Variants in SPINT4 observed in about 807,000 individuals in gnomAD.
SPINT4 encodes serine peptidase inhibitor, Kunitz type 4.
SPINT4 carries 7 observed loss-of-function variants against 9.4 expected under a neutral mutation model. The observed-to-expected ratio is 0.74, with a 90% confidence interval of 0.42 to 1.40. The LOEUF is 1.40. Among genes scored for constraint, SPINT4 ranks in the 40% most tolerant of loss-of-function variants. The probability of loss-of-function intolerance (pLI) is 0.01; values close to 1 mark genes in which losing one functional copy is unlikely to be tolerated. For missense variants in SPINT4, 105 were observed against 114.4 expected, an observed-to-expected ratio of 0.92 and a Z score of 0.37; for synonymous variants, 36 against 39.9, an observed-to-expected ratio of 0.90 and a Z score of 0.37.
intron 1 of SPINT4, among the ~76,000 whole-genome samples, chr20:45,723,299 G>A (rs1984845765): frequency 6.6e-6 from 1 of 152,092 alleles, no homozygotes; most frequent in African/African-American, 2.4e-5. Flanking sequence ...AAAACAGAGG[G>A]TTTGCCTCTG....
rs1298053714 is a variant in SPINT4, at chr20:45,722,537, G to A, written c.115+55G>A. On this transcript the variant is annotated intron_variant, in intron 1 of 2. Coordinates refer to ENST00000279058, the MANE Select transcript of SPINT4 (RefSeq NM_178455.3). ...AAGGTCAATTATGAATGAGAGAGAA[G>A]GTATTGGGAGAAAAGTGTGTTATCT... 1.2e-4 allele frequency: 152 copies of A among 1,313,038 alleles called. No homozygotes were observed. In the South Asian group the frequency reaches 1.2e-3, roughly 11 times the overall value. The allele number at this position is 1,313,038 out of a possible 1,614,324, so 81.3% of individuals were successfully genotyped here.
At chr20:45,725,015 T>TACACAC (rs1188470014) in intron 2 of SPINT4, among the ~76,000 whole-genome samples, 1 of 113,522 alleles carries the variant, frequency 8.8e-6, no homozygotes, top group Admixed American at 9.5e-5. Context: ...TATATATATA[T>TACACAC]ATATATATAT....
chr20:45,725,526 C>A, intron 2 of SPINT4, 103 bp from the exon 3 acceptor site: 1 of 1,205,662 alleles, frequency 8.3e-7, no homozygotes, highest in Non-Finnish European at 1.2e-6. Context: ...TAGAAGGCAT[C>A]CTCTGTGCTT....
At position 45,723,906 on chromosome 20, in the gene SPINT4, G is replaced by T. The variant is rs749305801; in HGVS notation, c.142G>T (p.Gly48Ter). Residue 48 changes from glycine to a stop codon, truncating the protein, a stop_gained, in exon 2 of 3, where the codon GGA becomes TGA. Coordinates refer to ENST00000279058, the MANE Select transcript of SPINT4 (RefSeq NM_178455.3). LOFTEE classifies it high-confidence loss of function. ...TCCCTGCAAATTGGACATGAATTTTGGAAGCTGCTATGAAGTTCACTTTAG... is the reference window on the plus strand; with the variant it reads ...TCCCTGCAAATTGGACATGAATTTTTGAAGCTGCTATGAAGTTCACTTTAG... ...KDPCKLDMNF[G>*]SCYEVHFRYF... The T allele has an allele frequency of 6.3e-7, 1 of 1,591,366 alleles. No homozygotes were observed. Among genetic ancestry groups the T allele is most frequent in the South Asian group, 1.2e-5 (1 of 86,432 alleles).
chr20:45,722,511 A>C, intron 1 of SPINT4, 29 bp downstream of exon 1: 1 of 1,490,142 alleles, frequency 6.7e-7, no homozygotes, highest in Non-Finnish European at 9.4e-7. Context: ...AAATAAATCC[A>C]AAGGTCAATT....
In SPINT4 at chr20:45,724,001, C is replaced by G. The variant is rs747905980; in HGVS notation, c.237C>G (p.Asn79Lys). The G allele has an allele frequency of 6.2e-7, 1 of 1,610,496 alleles. No homozygotes were observed. Among genetic ancestry groups the G allele is most frequent in the Non-Finnish European group, 8.5e-7 (1 of 1,179,060 alleles). The change falls in exon 2 of 3, where the codon AAC (asparagine) becomes AAG (lysine). Residue 79 changes from asparagine to lysine, a missense_variant. Asn to Lys is a moderately conservative substitution (Grantham distance 94). Coordinates refer to ENST00000279058, the MANE Select transcript of SPINT4 (RefSeq NM_178455.3). ...FVFSGCNGNL[N>K]NFKLKIEREV... ...TCTCCGGCTGTAATGGCAACCTTAA[C>G]AACTTCAAGCTTAAAATAGAACGTG...
rs1984858405 is a variant in SPINT4 at position 45,723,799 on chromosome 20, AT to A, written c.116-76del. The A allele has an allele frequency of 3.3e-6, 4 of 1,216,170 alleles. No homozygotes were observed. The Admixed American group carries it at 7.9e-5, about 24-fold the overall frequency. 75.3% of individuals were successfully genotyped at this position (1,216,170 alleles called of 1,614,324 possible). A position where few individuals can be genotyped will look rare whatever the true frequency, so the allele number is the denominator to read the frequency against. On this transcript the variant is annotated intron_variant, in intron 1 of 2. Transcript: ENST00000279058. ...GAATAGTTCCAGGCTAAACGTAGGA[AT>A]TTTTAAGGGCCCATAAAGACAAGTT...
rs775091893 is a variant in SPINT4, at chr20:45,725,800, T to G, written c.*165T>G. 3.2e-5 allele frequency: 26 copies of G among 824,422 alleles called. No individual in the cohort carries two copies. Among genetic ancestry groups the G allele is most frequent in the Admixed American group, 8.2e-5 (4 of 48,868 alleles). The allele number at this position is 824,422 out of a possible 1,614,324, so 51.1% of individuals were successfully genotyped here. A position where few individuals can be genotyped will look rare whatever the true frequency, so the allele number is the denominator to read the frequency against. ...TTGTCTTTCCTGGAAATTAACTGTA[T>G]GATCATTAGAATGAAAGAGTCTTTC... On this transcript the variant is annotated 3_prime_UTR_variant, in exon 3 of 3. Coordinates refer to ENST00000279058, the MANE Select transcript of SPINT4 (RefSeq NM_178455.3).
At chr20:45,725,576 C>T in intron 2 of SPINT4, 53 bp from the exon 3 acceptor site, 2 of 1,608,812 alleles carry the variant, frequency 1.2e-6, no homozygotes, top group African/African-American at 1.3e-5. Context: ...TCCAGGGAGA[C>T]CTTCAAAAAC....
rs1316386141 is a variant in SPINT4 at position 45,722,602 on chromosome 20, T to C, written c.115+120T>C. The stretch of plus-strand genomic sequence containing the variant: ...GGTCTTCCTTTCATGACAATACCCA[T>C]AGACACTTAGTCCCTTGACTCAGGG... On this transcript the variant is annotated intron_variant, in intron 1 of 2. Coordinates refer to ENST00000279058, the MANE Select transcript of SPINT4 (RefSeq NM_178455.3). 2.8e-5 allele frequency: 20 copies of C among 716,460 alleles called. 1 individual carries two copies. The highest frequency in any genetic ancestry group is 1.9e-4 in the East Asian group (7 of 37,084). The allele number at this position is 716,460 out of a possible 1,614,324, so 44.4% of individuals were successfully genotyped here.
rs748217524 is a variant in SPINT4 at position 45,725,722 on chromosome 20, A to G, written c.*87A>G. The G allele has an allele frequency of 6.1e-5, 94 of 1,545,896 alleles. No individual in the cohort carries two copies. Among genetic ancestry groups the G allele is most frequent in the Admixed American group, 1.2e-4 (7 of 59,626 alleles). The stretch of plus-strand genomic sequence containing the variant: ...AGACTGATTTTGAAATCTTTGTAAT[A>G]TTTCCATAATGCTTTAAGCTTCCAT... On this transcript the variant is annotated 3_prime_UTR_variant, in exon 3 of 3. Coordinates refer to ENST00000279058, the MANE Select transcript of SPINT4 (RefSeq NM_178455.3).
At position 45,722,379 on chromosome 20, in the gene SPINT4, C is replaced by T. The variant is rs138213755; in HGVS notation, c.12C>T (p.Ala4=). The T allele has an allele frequency of 9.3e-6, 15 of 1,612,064 alleles. No individual in the cohort carries two copies. Among genetic ancestry groups the T allele is most frequent in the East Asian group, 2.2e-5 (1 of 44,878 alleles). The part of the protein sequence containing the change: MKS[A]KLGFLLRFFI... ...CTGCTTGCTGCACCATGAAGTCTGCCAAGCTGGGATTTCTTCTAAGATTCT... is the reference window on the plus strand; with the variant it reads ...CTGCTTGCTGCACCATGAAGTCTGCTAAGCTGGGATTTCTTCTAAGATTCT... The change falls in exon 1 of 3, where the codon GCC becomes GCT. Residue 4 remains alanine (A), a synonymous_variant. Transcript: ENST00000279058.
In SPINT4 at chr20:45,723,895, A is replaced by G. The variant is rs370520031; in HGVS notation, c.131A>G (p.Asp44Gly). The G allele has an allele frequency of 8.8e-6, 14 of 1,592,562 alleles. 1 individual carries two copies. In the African/African-American group the frequency reaches 1.5e-4, roughly 17 times the overall value. ...TCTCATGCAGATCCCTGCAAATTGG[A>G]CATGAATTTTGGAAGCTGCTATGAA... is the stretch of plus-strand genomic sequence containing the variant. ...CGDLKDPCKLDMNFGSCYEVH... is the reference protein window; with the variant it reads ...CGDLKDPCKLGMNFGSCYEVH... Residue 44 changes from aspartate to glycine, a missense_variant, in exon 2 of 3, where the codon GAC becomes GGC. Physicochemically the swap from Asp to Gly is moderately conservative, Grantham distance 94. Coordinates refer to ENST00000279058, the MANE Select transcript of SPINT4 (RefSeq NM_178455.3).
At chr20:45,724,301 C>CAACCA (rs142402725) in intron 2 of SPINT4, among the ~76,000 whole-genome samples, 2,173 of 151,614 alleles carry the variant, frequency 0.014, 58 homozygotes, top group African/African-American at 0.051. Context: ...CCAGCCTGAC[C>CAACCA]AACATGGAGA....
At chr20:45,724,979 CAA>C (rs1168670011) in intron 2 of SPINT4, among the ~76,000 whole-genome samples, 923 of 26,906 alleles carry the variant, frequency 0.034, 124 homozygotes, top group Middle Eastern at 0.059. Context: ...GACTCCATCT[CAA>C]AAAAAAAAAA....
chr20:45,723,505 G>A (rs188999016), intron 1 of SPINT4, among the ~76,000 whole-genome samples: 1 of 152,174 alleles, frequency 6.6e-6, no homozygotes, highest in African/African-American at 2.4e-5. Context: ...GTCCTATGTG[G>A]GCAATTAAAA....
chr20:45,725,771 A>G lies in SPINT4; in HGVS notation c.*136A>G, dbSNP rs1978371963. ...ATATGTTTGCTATTTTCCTGACCCT[A>G]GTTTTGTCTTTCCTGGAAATTAACT... On this transcript the variant is annotated 3_prime_UTR_variant, in exon 3 of 3. Transcript: ENST00000279058. 7.0e-6 allele frequency: 8 copies of G among 1,146,330 alleles called. No homozygotes were observed. The highest frequency in any genetic ancestry group is 9.1e-6 in the Non-Finnish European group (7 of 772,172). The allele number at this position is 1,146,330 out of a possible 1,614,324, so 71.0% of individuals were successfully genotyped here. A position where few individuals can be genotyped will look rare whatever the true frequency, so the allele number is the denominator to read the frequency against.
At chr20:45,724,785 C>T (rs1273720315) in intron 2 of SPINT4, among the ~76,000 whole-genome samples, 1 of 148,892 alleles carries the variant, frequency 6.7e-6, no homozygotes. Context: ...TCGAGACCAT[C>T]CTGGCTAACA....
Position 45,722,423 on chromosome 20 carries a change from A to C in SPINT4, c.56A>C (p.Asn19Thr). The C allele has an allele frequency of 6.2e-7, 1 of 1,613,860 alleles. No homozygotes were observed. The highest frequency in any genetic ancestry group is 8.5e-7 in the Non-Finnish European group (1 of 1,179,728). ...AGATTCTTCATCTTCTGCTCATTGA[A>C]TACCCTGTTATTGGGTGGTGTTAAT... The part of the protein sequence containing the change: ...LLRFFIFCSL[N>T]TLLLGGVNKI... The change falls in exon 1 of 3, where the codon AAT becomes ACT. Residue 19 changes from asparagine (N) to threonine (T), a missense_variant. Coordinates refer to ENST00000279058, the MANE Select transcript of SPINT4 (RefSeq NM_178455.3).
Sources: gnomAD v4.1 joint callset for allele counts (sites outside exome capture counted in the v4.1 genomes callset) on GRCh38, gnomAD v4.1.1 for gene constraint, MANE v1.5 for transcripts, NCBI Gene and HGNC (gene_info 2026-07-23, HGNC 2026-07-21) for gene names.